CD99: variants seen among roughly 807,000 people sequenced by gnomAD.
CD99 encodes the protein CD99 antigen.
Under a neutral mutation model 28.4 loss-of-function variants are expected in CD99, and 19 were observed. The observed-to-expected ratio is 0.67, with a 90% CI of 0.47 to 0.98. The LOEUF is 0.98. CD99 is among the 50% of genes least tolerant of loss of function. The pLI is 0.00. For synonymous variants in CD99, 103 were observed against 92.1 expected (o/e 1.12, Z -0.67); for missense variants, 283 against 248.8 (o/e 1.14, Z -0.92).
At chrX:2,739,353 C>T (rs1285733223) in intron 9 of CD99, among the ~76,000 whole-genome samples, 1 of 152,140 alleles carries the variant, frequency 6.6e-6, no homozygotes, top group Non-Finnish European at 1.5e-5. Flanking sequence ...TTTGTGCATA[C>T]ATTGGAACCT....
At chrX:2,694,570 T>C (rs1277594560) in intron 1 of CD99, among the ~76,000 whole-genome samples, 1 of 152,034 alleles carries the variant, frequency 6.6e-6, no homozygotes, top group Non-Finnish European at 1.5e-5. Flanking sequence ...CTGGCCAACA[T>C]GGCAAAACCC....
intron 8 of CD99, among the ~76,000 whole-genome samples, chrX:2,736,628 T>C (rs970553472): frequency 7.9e-5 from 12 of 151,596 alleles, no homozygotes; most frequent in South Asian, 2.1e-4. Context: ...GAGGCCGAGG[T>C]GGGCGGATCA....
intron 1 of CD99, among the ~76,000 whole-genome samples, chrX:2,704,329 C>T (rs1476476773): frequency 6.6e-6 from 1 of 152,214 alleles, no homozygotes; most frequent in Non-Finnish European, 1.5e-5. Flanking sequence ...CTTGTGCCGT[C>T]GTCCTAGTTA....
In CD99 at chrX:2,723,211, C is replaced by T. The variant is rs149930502; in HGVS notation, c.311-103C>T. ...TCTGTAGCTGGGTAACATGTACCCC[C>T]GTAGAGTGTAAGAAGCAGGACCCCA... is the stretch of plus-strand genomic sequence containing the variant. On this transcript the variant is annotated intron_variant, in intron 6 of 9. Transcript: ENST00000381192. 3.6e-3 allele frequency: 4,113 copies of T among 1,154,548 alleles called. 103 individuals are homozygous for T. In the African/African-American group the frequency reaches 0.054, roughly 15 times the overall value. The allele number at this position is 1,154,548 out of a possible 1,614,324, so 71.5% of individuals were successfully genotyped here.
chrX:2,728,860 G>C (rs776017650), intron 8 of CD99, among the ~76,000 whole-genome samples: 4 of 136,392 alleles, frequency 2.9e-5, no homozygotes, highest in East Asian at 4.4e-4. Flanking sequence ...TTTTTGAGAC[G>C]GAGTCTCGCT....
chrX:2,699,286 C>T (rs1391455328), intron 1 of CD99, among the ~76,000 whole-genome samples: 1 of 151,892 alleles, frequency 6.6e-6, no homozygotes, highest in Non-Finnish European at 1.5e-5. Flanking sequence ...TCTCTTGCCT[C>T]AGCCTCCTGA....
chrX:2,733,267 C>A, intron 8 of CD99: 1 of 1,357,468 alleles, frequency 7.4e-7, no homozygotes, highest in Non-Finnish European at 1.0e-6. Context: ...CTCCCTGCTG[C>A]TGGGAGCCCC....
chrX:2,704,488 C>T (rs1392652157), intron 1 of CD99, among the ~76,000 whole-genome samples: 2 of 152,026 alleles, frequency 1.3e-5, no homozygotes, highest in Non-Finnish European at 2.9e-5. Flanking sequence ...GGCTAGTGTG[C>T]AGTGGCACAG....
chrX:2,705,277 C>G (rs1251670581), intron 1 of CD99, among the ~76,000 whole-genome samples: 1 of 152,210 alleles, frequency 6.6e-6, no homozygotes, highest in African/African-American at 2.4e-5. Context: ...TTTCTGTACT[C>G]AGATATGCAG....
intron 8 of CD99, among the ~76,000 whole-genome samples, chrX:2,737,292 C>T (rs887597148): frequency 6.6e-6 from 1 of 151,594 alleles, no homozygotes; most frequent in African/African-American, 2.4e-5. Flanking sequence ...ATTCTCCTGT[C>T]TCAGCCTCCC....
chrX:2,699,436 G>A (rs2047738976), intron 1 of CD99, among the ~76,000 whole-genome samples: 1 of 149,352 alleles, frequency 6.7e-6, no homozygotes, highest in African/African-American at 2.5e-5. Context: ...CCAAAGTGCT[G>A]GGATTACAGG....
chrX:2,720,475 G>T, intron 5 of CD99, 51 bp downstream of exon 5: 1 of 1,540,744 alleles, frequency 6.5e-7, no homozygotes, highest in Non-Finnish European at 9.0e-7. Flanking sequence ...AGAATTCAGC[G>T]ATATTTATGT....
At chrX:2,716,725 A>T in intron 2 of CD99, among the ~76,000 whole-genome samples, 1 of 152,236 alleles carries the variant, frequency 6.6e-6, no homozygotes, top group East Asian at 1.9e-4. Flanking sequence ...AACAGTGCTG[A>T]TGGGGATCAT....
At chrX:2,704,015 T>C (rs1230495730) in intron 1 of CD99, among the ~76,000 whole-genome samples, 1 of 152,110 alleles carries the variant, frequency 6.6e-6, no homozygotes, top group South Asian at 2.1e-4. Context: ...AGCATCACCC[T>C]GGAGTTTGTT....
At chrX:2,717,438 A>T in intron 2 of CD99, 167 bp from the exon 3 acceptor site, 1 of 627,544 alleles carries the variant, frequency 1.6e-6, no homozygotes, top group Non-Finnish European at 2.9e-6. Context: ...TTCTGGGCTC[A>T]AGAGTCGTTG....
intron 6 of CD99, 68 bp downstream of exon 6, chrX:2,722,742 C>T (rs1382576863): frequency 7.1e-7 from 1 of 1,412,146 alleles, no homozygotes; most frequent in African/African-American, 1.4e-5. Context: ...TCTGTAGAAT[C>T]ACTACAGGGT....
chrX:2,723,227 C>G, intron 6 of CD99, 87 bp from the exon 7 acceptor site: 1 of 1,356,042 alleles, frequency 7.4e-7, no homozygotes, highest in African/African-American at 1.4e-5. Flanking sequence ...GTGTAAGAAG[C>G]AGGACCCCAG....
chrX:2,694,952 A>G (rs1331163453), intron 1 of CD99, among the ~76,000 whole-genome samples: 11 of 152,206 alleles, frequency 7.2e-5, no homozygotes, highest in African/African-American at 2.4e-4. Context: ...AGCTCATACA[A>G]TACTTTTCCC....
At chrX:2,706,354 T>C (rs311053) in intron 1 of CD99, among the ~76,000 whole-genome samples, 121,696 of 151,936 alleles carry the variant, frequency 0.8, 48,878 homozygotes, top group South Asian at 0.85. Flanking sequence ...AGAGACACTC[T>C]GTCTCAAAAA....
Sources: gnomAD v4.1 joint callset for allele counts (sites outside exome capture counted in the v4.1 genomes callset) on GRCh38, gnomAD v4.1.1 for gene constraint, MANE v1.5 for transcripts, NCBI Gene and HGNC (gene_info 2026-07-23, HGNC 2026-07-21) for gene names.